Variants in DPP6 observed in about 807,000 individuals in gnomAD.
The protein encoded by DPP6 is dipeptidyl peptidase like 6.
DPP6 carries 69 observed loss-of-function variants against 122.6 expected under a neutral mutation model. The observed-to-expected ratio is 0.56, with a 90% CI of 0.46 to 0.69. The LOEUF (loss-of-function observed/expected upper bound fraction) is 0.69, where lower values mean the gene tolerates loss of function less well. Ranked by LOEUF, DPP6 falls within the 30% of genes least tolerant of loss-of-function variation. The probability of loss-of-function intolerance (pLI) is 0.00; values close to 1 mark genes in which losing one functional copy is unlikely to be tolerated. For synonymous variants in DPP6, 418 were observed against 433.1 expected (o/e 0.97, Z 0.43); for missense variants, 928 against 1,116.9 (o/e 0.83, Z 2.41).
intron 1 of DPP6, among the ~76,000 whole-genome samples, chr7:154,410,213 C>T (rs1224450912): frequency 6.6e-6 from 1 of 152,190 alleles, no homozygotes; most frequent in Non-Finnish European, 1.5e-5. Flanking sequence ...TTCCTAACAT[C>T]GTGTCTTAGG....
At chr7:154,096,559 G>C (rs1805335623) in intron 1 of DPP6, among the ~76,000 whole-genome samples, 1 of 151,508 alleles carries the variant, frequency 6.6e-6, no homozygotes, top group Admixed American at 6.6e-5. Flanking sequence ...TTAAATCTTG[G>C]TATTTGTGCT....
intron 1 of DPP6, among the ~76,000 whole-genome samples, chr7:154,020,089 T>G (rs544408879): frequency 1.5e-4 from 22 of 150,806 alleles, no homozygotes; most frequent in Non-Finnish European, 2.5e-4. Flanking sequence ...AATAAAACTT[T>G]CCAGAATTTC....
At chr7:153,782,030 T>C in the DPP6 span, among the ~76,000 whole-genome samples, 3,130 of 140,842 alleles carry the variant, frequency 0.022, 68 homozygotes, top group African/African-American at 0.049. Flanking sequence ...TAATATTGAC[T>C]ATTCAATCTA....
chr7:154,880,866 T>C (rs753363656), intron 20 of DPP6, 22 bp from the exon 21 acceptor site: 33 of 1,614,030 alleles, frequency 2.0e-5, no homozygotes, highest in Non-Finnish European at 2.5e-5. Context: ...CTGAACCCTC[T>C]TTCCCCTCCT....
At chr7:154,818,030 C>T (rs1587236400) in intron 16 of DPP6, among the ~76,000 whole-genome samples, 2 of 152,264 alleles carry the variant, frequency 1.3e-5, no homozygotes, top group East Asian at 3.9e-4. Flanking sequence ...TCCAAGATGA[C>T]ATACATTTGG....
At chr7:153,806,242 C>T in the DPP6 span, among the ~76,000 whole-genome samples, 1 of 151,992 alleles carries the variant, frequency 6.6e-6, no homozygotes, top group Middle Eastern at 3.4e-3. Flanking sequence ...CTTATCTCCC[C>T]TTTTAAATCT....
chr7:154,145,610 A>C (rs1011533533), intron 1 of DPP6, among the ~76,000 whole-genome samples: 5 of 136,950 alleles, frequency 3.7e-5, no homozygotes, highest in African/African-American at 1.4e-4. Context: ...ATCCCTGCGG[A>C]GCAAGGAGGG....
intron 7 of DPP6, among the ~76,000 whole-genome samples, chr7:154,718,963 G>C (rs1019254843): frequency 6.6e-6 from 1 of 152,040 alleles, no homozygotes. Context: ...TCTAGGAAAT[G>C]ATTCATCCCC....
intron 1 of DPP6, among the ~76,000 whole-genome samples, chr7:154,314,210 A>G (rs1310032453): frequency 1.3e-5 from 2 of 152,140 alleles, no homozygotes; most frequent in Admixed American, 1.3e-4. Context: ...ACAGTTCTGG[A>G]CTGATTCTGT....
chr7:154,340,226 G>A (rs6962052), intron 1 of DPP6, among the ~76,000 whole-genome samples: 27,504 of 152,172 alleles, frequency 0.18, 4,811 homozygotes, highest in African/African-American at 0.46. Flanking sequence ...TCTCTTTTAT[G>A]TAGAGAGTGG....
chr7:153,788,248 GAATTTGTTTGA>G, the DPP6 span, among the ~76,000 whole-genome samples: 32 of 152,180 alleles, frequency 2.1e-4, no homozygotes, highest in African/African-American at 7.7e-4. Flanking sequence ...GTCCCCAGAA[GAATTTGTTTGA>G]ATCTGGAGGC....
intron 3 of DPP6, among the ~76,000 whole-genome samples, chr7:154,494,197 T>G (rs1231363689): frequency 2.6e-5 from 4 of 151,776 alleles, no homozygotes; most frequent in Non-Finnish European, 5.9e-5. Flanking sequence ...CTACAAAAAA[T>G]TTGTAAAAAT....
At chr7:154,453,159 G>C (rs2151302103) in intron 2 of DPP6, among the ~76,000 whole-genome samples, 1 of 152,284 alleles carries the variant, frequency 6.6e-6, no homozygotes, top group Non-Finnish European at 1.5e-5. Context: ...AGCAGGATCG[G>C]ATTTGCATGA....
At chr7:154,569,379 A>G (rs569921491) in intron 5 of DPP6, among the ~76,000 whole-genome samples, 1 of 152,174 alleles carries the variant, frequency 6.6e-6, no homozygotes, top group South Asian at 2.1e-4. Context: ...AAGGTTCCAT[A>G]TTCAAATACA....
intron 1 of DPP6, among the ~76,000 whole-genome samples, chr7:153,932,449 G>A (rs560674707): frequency 6.6e-6 from 1 of 152,154 alleles, no homozygotes; most frequent in South Asian, 2.1e-4. Context: ...TGAACTATAA[G>A]CCACTAGCAT....
At chr7:153,904,027 A>G (rs1245557670) in intron 1 of DPP6, among the ~76,000 whole-genome samples, 2 of 152,116 alleles carry the variant, frequency 1.3e-5, no homozygotes, top group Admixed American at 6.6e-5. Context: ...TTTGCTAACT[A>G]GCGATCTAAG....
rs3837065 is a variant in DPP6 at position 154,877,405 on chromosome 7, GCACACACACA to G, written c.2078+1323_2078+1332del. ...TGACTACAACAACACATGTGTGCGT[GCACACACACA>G]CACACACACACACACACCTCTCAAA... On this transcript the variant is annotated intron_variant, in intron 20 of 25. Coordinates refer to ENST00000377770, the MANE Select transcript of DPP6 (RefSeq NM_130797.4). This position sits in a 1 kb window ranked among gnomAD's most constrained non-coding sequence, Gnocchi z 5.2. Among the ~76,000 whole-genome samples the G allele has an allele frequency of 2.0e-5, 3 of 149,738 alleles. No homozygotes were observed. Among genetic ancestry groups the G allele is most frequent in the Non-Finnish European group, 4.5e-5 (3 of 67,228 alleles).
intron 5 of DPP6, among the ~76,000 whole-genome samples, chr7:154,578,275 G>A (rs1003971874): frequency 6.6e-6 from 1 of 152,038 alleles, no homozygotes; most frequent in Non-Finnish European, 1.5e-5. Flanking sequence ...TCACAGTAAG[G>A]CAACTCATCA....
At chr7:154,673,482 G>A (rs922676655) in intron 7 of DPP6, among the ~76,000 whole-genome samples, 3 of 152,144 alleles carry the variant, frequency 2.0e-5, no homozygotes, top group Admixed American at 6.5e-5. Flanking sequence ...ACATTTCTCC[G>A]GTAGTAATGA....
Sources: allele counts gnomAD v4.1 joint callset (sites outside exome capture counted in the v4.1 genomes callset), GRCh38; gene constraint gnomAD v4.1.1; non-coding constraint Gnocchi (gnomAD v3.1); transcripts MANE v1.5; gene names NCBI Gene and HGNC (gene_info 2026-07-23, HGNC 2026-07-21).